The following SLC35H1 variants were observed in gnomAD, a reference collection of about 807,000 sequenced individuals.
The protein encoded by SLC35H1 is solute carrier family 35 member H1.
At chr20:46,358,442 A>T in the SLC35H1 span, 1 of 1,614,228 alleles carries the variant, frequency 6.2e-7, no homozygotes, top group Non-Finnish European at 8.5e-7. Flanking sequence ...GTAGTAGAGA[A>T]GCACCAGCCC....
chr20:46,359,001 C>A, the SLC35H1 span: 2 of 536,600 alleles, frequency 3.7e-6, no homozygotes, highest in African/African-American at 3.8e-5. Context: ...CTGCTTAAAA[C>A]CCTTCAGCAG....
chr20:46,354,906 A>G, the SLC35H1 span: 1 of 1,611,380 alleles, frequency 6.2e-7, no homozygotes, highest in South Asian at 1.1e-5. Context: ...AAGAGAGGGA[A>G]GAGCCCCAGG....
the SLC35H1 span, among the ~76,000 whole-genome samples, chr20:46,357,115 A>C: frequency 1.3e-5 from 2 of 152,240 alleles, no homozygotes; most frequent in South Asian, 4.2e-4. Flanking sequence ...GCTGGCACTA[A>C]ATCTCCCTCG....
chr20:46,346,887 CAAAA>C, the SLC35H1 span: 9 of 114,288 alleles, frequency 7.9e-5, no homozygotes, highest in Non-Finnish European at 1.5e-4. Context: ...AACTCCATGT[CAAAA>C]AAAAAAAAAA....
At chr20:46,358,581 A>G in the SLC35H1 span, 1 of 1,609,498 alleles carries the variant, frequency 6.2e-7, no homozygotes, top group Non-Finnish European at 8.5e-7. Flanking sequence ...GTGCAGGAAG[A>G]GCCGGTGGAG....
chr20:46,359,106 C>T, the SLC35H1 span: 1 of 340,588 alleles, frequency 2.9e-6, no homozygotes, highest in Non-Finnish European at 5.7e-6. Flanking sequence ...GCCACAGGCT[C>T]TCCAGGACCT....
chr20:46,359,129 C>T, the SLC35H1 span, among the ~76,000 whole-genome samples: 10 of 152,222 alleles, frequency 6.6e-5, no homozygotes, highest in Non-Finnish European at 1.5e-4. Context: ...CCCCACTGGG[C>T]GCCTTTCAGC....
chr20:46,358,267 G>T, the SLC35H1 span: 1 of 947,598 alleles, frequency 1.1e-6, no homozygotes, highest in South Asian at 1.5e-5. Flanking sequence ...GCCCAGCCGT[G>T]ACTGGCTTCC....
chr20:46,357,859 G>C, the SLC35H1 span: 21 of 1,482,756 alleles, frequency 1.4e-5, no homozygotes, highest in Admixed American at 3.5e-4. Context: ...CCCCTCTGCT[G>C]GAGTGGGGCT....
chr20:46,351,888 G>A, the SLC35H1 span, among the ~76,000 whole-genome samples: 6 of 152,230 alleles, frequency 3.9e-5, no homozygotes, highest in African/African-American at 1.4e-4. Flanking sequence ...GGCAGAAGGA[G>A]GGGCCAGCAC....
the SLC35H1 span, chr20:46,352,305 T>C: frequency 1.6e-6 from 2 of 1,286,450 alleles, no homozygotes; most frequent in East Asian, 4.6e-5. Context: ...ACACAAGATC[T>C]TCCACTGTAG....
the SLC35H1 span, chr20:46,358,669 G>C: frequency 6.4e-7 from 1 of 1,551,682 alleles, no homozygotes; most frequent in African/African-American, 1.4e-5. Context: ...ACCATCAGCA[G>C]AGCCCCAGGC....
At chr20:46,355,065 G>T in the SLC35H1 span, 3 of 1,614,034 alleles carry the variant, frequency 1.9e-6, no homozygotes, top group Admixed American at 5.0e-5. This position sits in a 1 kb window ranked among gnomAD's most constrained non-coding sequence, Gnocchi z 4.8. Flanking sequence ...TGAGTGGCAC[G>T]TGCTCACCGA....
chr20:46,352,248 A>G, the SLC35H1 span: 3 of 1,612,176 alleles, frequency 1.9e-6, no homozygotes, highest in Non-Finnish European at 2.5e-6. Flanking sequence ...AGGGAGAGAG[A>G]GTGGGAGGCC....
the SLC35H1 span, among the ~76,000 whole-genome samples, chr20:46,363,760 A>G: frequency 6.6e-6 from 1 of 152,206 alleles, no homozygotes; most frequent in African/African-American, 2.4e-5. Flanking sequence ...GAGAGATGGC[A>G]CACGAAACAG....
the SLC35H1 span, chr20:46,358,766 G>GCTGGGGAAAAAGGGCCGCT: frequency 6.6e-7 from 1 of 1,519,846 alleles, no homozygotes; most frequent in Non-Finnish European, 8.9e-7. Flanking sequence ...AAGGTCTGCT[G>GCTGGGGAAAAAGGGCCGCT]CTGGGGAAAA....
the SLC35H1 span, chr20:46,358,882 G>A: frequency 2.8e-6 from 2 of 702,378 alleles, no homozygotes; most frequent in Middle Eastern, 3.5e-4. Context: ...CAACGGCACA[G>A]GCAGTCCCAG....
chr20:46,356,988 C>T, the SLC35H1 span, among the ~76,000 whole-genome samples: 11 of 151,888 alleles, frequency 7.2e-5, no homozygotes, highest in East Asian at 1.9e-4. Flanking sequence ...ACGGGGAATC[C>T]GGCCTCCAGG....
chr20:46,352,815 G>A, the SLC35H1 span: 1 of 154,568 alleles, frequency 6.5e-6, no homozygotes, highest in African/African-American at 2.4e-5. Flanking sequence ...TGATGGGGAG[G>A]GCTCGTCTGA....
Sources: gnomAD v4.1 joint callset for allele counts (sites outside exome capture counted in the v4.1 genomes callset) on GRCh38, gnomAD v4.1.1 for gene constraint, Gnocchi (gnomAD v3.1) non-coding constraint, MANE v1.5 for transcripts, NCBI Gene and HGNC (gene_info 2026-07-23, HGNC 2026-07-21) for gene names.